The following HIRA variants were observed in gnomAD, a reference collection of about 807,000 sequenced individuals.
HIRA encodes the protein protein HIRA.
Under a neutral mutation model 126.6 loss-of-function variants are expected in HIRA, and 13 were observed. The observed-to-expected ratio is 0.10, with a 90% CI of 0.07 to 0.16. The LOEUF is 0.16. Among genes scored for constraint, HIRA ranks in the 10% least tolerant of loss-of-function variants. The pLI is 1.00. For synonymous variants in HIRA, 511 were observed against 520.0 expected, an observed-to-expected ratio of 0.98 and a Z score of 0.24; for missense variants, 834 against 1,314.4, an observed-to-expected ratio of 0.63 and a Z score of 5.65.
chr22:19,395,844 C>T (rs959187433), intron 7 of HIRA, among the ~76,000 whole-genome samples: 6 of 152,194 alleles, frequency 3.9e-5, no homozygotes, highest in Admixed American at 1.3e-4. Context: ...TTATTGCCTT[C>T]TATACAGTAG....
At chr22:19,421,181 C>T (rs770007264) in intron 1 of HIRA, among the ~76,000 whole-genome samples, 11 of 152,066 alleles carry the variant, frequency 7.2e-5, no homozygotes, top group Admixed American at 3.9e-4. Flanking sequence ...TGCCTGTAAT[C>T]CCAGCTAATC....
intron 16 of HIRA, 133 bp downstream of exon 16, chr22:19,361,593 CA>C (rs1314566321): frequency 2.3e-6 from 2 of 888,372 alleles, no homozygotes; most frequent in Non-Finnish European, 3.6e-6. Context: ...TGCTACATTC[CA>C]GGGGCTGCAT....
rs1343163484 is a variant in HIRA at position 19,392,231 on chromosome 22, G to A, written c.823-17C>T. 5 of 1,502,460 alleles carry A rather than the reference G, an allele frequency of 3.3e-6. No homozygotes were observed. Among genetic ancestry groups the A allele is most frequent in the African/African-American group, 1.4e-5 (1 of 72,732 alleles). The allele number at this position is 1,502,460 out of a possible 1,614,324, so 93.1% of individuals were successfully genotyped here. A position where few individuals can be genotyped will look rare whatever the true frequency, so the allele number is the denominator to read the frequency against. On this transcript the variant is annotated splice_polypyrimidine_tract_variant and intron_variant, in intron 8 of 24. Coordinates refer to ENST00000263208, the MANE Select transcript of HIRA (RefSeq NM_003325.4). ...GTTGAATTTCTAAAGCCAAATAACA[G>A]ATGTTAAAAATAATTAATCAAGCAT...
rs782146515 is a variant in HIRA, at chr22:19,353,312, AG to A, written c.2848+43del. ...GACTAAGTGAGGCCTGGGAGGATGG[AG>A]GGGCAGAAGGAGAAGGCTGCTCAGG... On this transcript the variant is annotated intron_variant, in intron 23 of 24. Coordinates refer to ENST00000263208, the MANE Select transcript of HIRA (RefSeq NM_003325.4). 3.5e-5 allele frequency: 57 copies of A among 1,608,046 alleles called. No homozygotes were observed. In the Admixed American group the frequency reaches 6.0e-4, roughly 17 times the overall value.
At chr22:19,334,898 T>G (rs1210694) in intron 24 of HIRA, among the ~76,000 whole-genome samples, 21,369 of 152,172 alleles carry the variant, frequency 0.14, 1,592 homozygotes, top group Non-Finnish European at 0.17. Flanking sequence ...TCTGCCTTCT[T>G]TTGAATGAAT....
intron 1 of HIRA, among the ~76,000 whole-genome samples, chr22:19,417,690 T>C (rs925967286): frequency 1.3e-5 from 2 of 152,186 alleles, no homozygotes; most frequent in Non-Finnish European, 2.9e-5. Flanking sequence ...GATGAGGGTG[T>C]ACAGAAATTG....
intron 7 of HIRA, 76 bp from the exon 8 acceptor site, chr22:19,394,585 T>TA: frequency 7.0e-7 from 1 of 1,420,390 alleles, no homozygotes; most frequent in Non-Finnish European, 9.7e-7. Context: ...AGGATAAAGT[T>TA]AAACTTCAAT....
At chr22:19,331,700 A>G in intron 24 of HIRA, 144 bp from the exon 25 acceptor site, 2 of 760,910 alleles carry the variant, frequency 2.6e-6, no homozygotes, top group Non-Finnish European at 4.3e-6. Flanking sequence ...ACTGTGAGAG[A>G]GCTGTGGGGC....
At chr22:19,367,368 ATTT>A (rs34765416) in intron 15 of HIRA, among the ~76,000 whole-genome samples, 1,903 of 138,872 alleles carry the variant, frequency 0.014, 32 homozygotes, top group East Asian at 0.076. Flanking sequence ...CCAATGTACC[ATTT>A]TTTTTTTTTT....
intron 1 of HIRA, among the ~76,000 whole-genome samples, chr22:19,415,242 T>C (rs1360053444): frequency 6.6e-6 from 1 of 152,112 alleles, no homozygotes; most frequent in African/African-American, 2.4e-5. Context: ...AGTTGCAGGA[T>C]ACAAAATCAA....
At chr22:19,359,899 A>G (rs573044307) in intron 17 of HIRA, among the ~76,000 whole-genome samples, 1 of 152,314 alleles carries the variant, frequency 6.6e-6, no homozygotes, top group African/African-American at 2.4e-5. Context: ...CAAAGATGGC[A>G]GTGTTTGGCA....
chr22:19,397,283 C>A (rs2089231788), intron 6 of HIRA, among the ~76,000 whole-genome samples: 1 of 152,144 alleles, frequency 6.6e-6, no homozygotes, highest in Admixed American at 6.5e-5. Flanking sequence ...AAGGAGGAGG[C>A]CTACTAGCTC....
intron 5 of HIRA, among the ~76,000 whole-genome samples, chr22:19,403,101 CAAAAAAAAAAAA>C (rs199777922): frequency 1.4e-5 from 1 of 70,652 alleles, no homozygotes; most frequent in African/African-American, 3.9e-5. Context: ...GACACAGTCT[CAAAAAAAAAAAA>C]AAAAAGAAAA....
chr22:19,408,399 C>A, intron 3 of HIRA, 84 bp downstream of exon 3: 1 of 885,082 alleles, frequency 1.1e-6, no homozygotes, highest in Non-Finnish European at 1.9e-6. Context: ...CGCACGGGGC[C>A]TTATCTTTCT....
At position 19,392,066 on chromosome 22, in the gene HIRA, C is replaced by T. The variant is rs777258616; in HGVS notation, c.936+35G>A. On this transcript the variant is annotated intron_variant, in intron 9 of 24. Coordinates refer to ENST00000263208, the MANE Select transcript of HIRA (RefSeq NM_003325.4). Reference sequence around the variant, plus strand: ...TGCTACTTTACCAACCTACACCTCCCGTCCTGCAACAAAAGCTCAGGATAG... The same window carrying T: ...TGCTACTTTACCAACCTACACCTCCTGTCCTGCAACAAAAGCTCAGGATAG... 2.3e-5 allele frequency: 30 copies of T among 1,287,086 alleles called. No individual in the cohort carries two copies. The South Asian group carries it at 2.4e-4, about 10-fold the overall frequency. 79.7% of individuals were successfully genotyped at this position (1,287,086 alleles called of 1,614,324 possible).
intron 10 of HIRA, 106 bp downstream of exon 10, chr22:19,388,378 G>T: frequency 1.2e-6 from 1 of 809,902 alleles, no homozygotes. Flanking sequence ...TGACACCTGG[G>T]GAGGGGCCAC....
rs146732716 is a variant in HIRA, at chr22:19,381,107, T to A, written c.1415+2513A>T. ...CTTTGAAGCCTCTCAGTAGGGTTTT[T>A]AATTTTTTCTTCATTAAGATATGCA... On this transcript the variant is annotated intron_variant, in intron 13 of 24. Transcript: ENST00000263208. Among the ~76,000 whole-genome samples, 786 of 152,356 alleles carry A rather than the reference T, an allele frequency of 5.2e-3. 14 individuals carry two copies. Among genetic ancestry groups the A allele is most frequent in the African/African-American group, 0.019 (770 of 41,572 alleles).
rs184881300 is a variant in HIRA at position 19,356,640 on chromosome 22, C to T, written c.2396+250G>A. ...ATAGGACCCTGGCAGTGCAACTGGT[C>T]GCATGGGCTGCTCCAGTAAGGAAAT... On this transcript the variant is annotated intron_variant, in intron 19 of 24. Coordinates refer to ENST00000263208, the MANE Select transcript of HIRA (RefSeq NM_003325.4). Among the ~76,000 whole-genome samples the T allele has an allele frequency of 4.6e-5, 7 of 152,312 alleles. No homozygotes were observed. The East Asian group carries it at 9.7e-4, about 21-fold the overall frequency.
At position 19,375,803 on chromosome 22, in the gene HIRA, G is replaced by C; in HGVS notation, c.1614-11C>G. ...GAGGTAGCATTCATACTGGGGTGAA[G>C]AAGAGGGGAGGCATGTCAAGCGCAA... On this transcript the variant is annotated splice_polypyrimidine_tract_variant and intron_variant, in intron 14 of 24. Transcript: ENST00000263208. 3.1e-6 allele frequency: 5 copies of C among 1,613,882 alleles called. No homozygotes were observed. The highest frequency in any genetic ancestry group is 4.2e-6 in the Non-Finnish European group (5 of 1,179,806).
Sources: allele counts gnomAD v4.1 joint callset (sites outside exome capture counted in the v4.1 genomes callset), GRCh38; gene constraint gnomAD v4.1.1; transcripts MANE v1.5; gene names NCBI Gene and HGNC (gene_info 2026-07-23, HGNC 2026-07-21).